Variants in CPNE4 observed in about 807,000 individuals in gnomAD.
CPNE4 encodes the protein copine 4.
In CPNE4, 25 loss-of-function variants were observed where a neutral mutation model predicts 67.9. The observed-to-expected ratio is 0.37, with a 90% CI of 0.27 to 0.51. The LOEUF is 0.51. Ranked by LOEUF, CPNE4 falls within the 20% of genes least tolerant of loss-of-function variation. The pLI is 0.93. For synonymous variants in CPNE4, 242 were observed against 244.9 expected, an observed-to-expected ratio of 0.99 and a Z score of 0.11; for missense variants, 464 against 690.8, an observed-to-expected ratio of 0.67 and a Z score of 3.68.
intron 2 of CPNE4, among the ~76,000 whole-genome samples, chr3:131,835,426 G>A (rs2085516192): frequency 6.6e-6 from 1 of 152,128 alleles, no homozygotes; most frequent in African/African-American, 2.4e-5. Flanking sequence ...CTACTCTGGA[G>A]GCTGAGGCAG....
chr3:131,991,813 C>T (rs2073180837), intron 1 of CPNE4, among the ~76,000 whole-genome samples: 1 of 135,368 alleles, frequency 7.4e-6, no homozygotes, highest in African/African-American at 2.5e-5. Flanking sequence ...TCTGTGCAGC[C>T]TTAGGATATG....
chr3:131,743,233 T>G (rs1397191029), intron 2 of CPNE4, among the ~76,000 whole-genome samples: 6 of 152,170 alleles, frequency 3.9e-5, no homozygotes. Flanking sequence ...TAACAGGCAG[T>G]GGGAAACTTA....
At chr3:132,023,959 T>A (rs1045415092) in intron 1 of CPNE4, among the ~76,000 whole-genome samples, 4 of 152,224 alleles carry the variant, frequency 2.6e-5, no homozygotes, top group African/African-American at 9.6e-5. Flanking sequence ...AAGATGTTAC[T>A]ATTTGCAGCA....
At chr3:131,837,298 A>G (rs1355862390) in intron 2 of CPNE4, among the ~76,000 whole-genome samples, 1 of 152,192 alleles carries the variant, frequency 6.6e-6, no homozygotes. Flanking sequence ...GAAACAGTAC[A>G]AATGTCCTGT....
At chr3:131,565,953 C>T (rs1937035185) in intron 10 of CPNE4, among the ~76,000 whole-genome samples, 1 of 151,800 alleles carries the variant, frequency 6.6e-6, no homozygotes, top group South Asian at 2.1e-4. Flanking sequence ...CTGTGTGTGA[C>T]ACAGAGGGCA....
At chr3:131,854,717 T>A (rs1230853224) in intron 2 of CPNE4, among the ~76,000 whole-genome samples, 1 of 151,810 alleles carries the variant, frequency 6.6e-6, no homozygotes. Context: ...TGTCTGTGAT[T>A]CTTTTATTTT....
chr3:131,596,690 C>A (rs1261022122), intron 7 of CPNE4, among the ~76,000 whole-genome samples: 4 of 147,742 alleles, frequency 2.7e-5, no homozygotes, highest in Non-Finnish European at 4.5e-5. Context: ...TCTGGATGGG[C>A]CTGATACAAT....
At chr3:131,916,467 G>C (rs1248736658) in intron 1 of CPNE4, among the ~76,000 whole-genome samples, 1 of 152,050 alleles carries the variant, frequency 6.6e-6, no homozygotes, top group African/African-American at 2.4e-5. Flanking sequence ...ATCTACTTAT[G>C]GGTCTTGTTC....
intron 2 of CPNE4, among the ~76,000 whole-genome samples, chr3:131,802,070 T>G (rs1019594763): frequency 2.0e-5 from 3 of 152,050 alleles, no homozygotes; most frequent in Non-Finnish European, 4.4e-5. Context: ...AGAGAAAGGT[T>G]AATGCAGAAC....
At chr3:131,698,220 C>T (rs374294088) in intron 4 of CPNE4, among the ~76,000 whole-genome samples, 2 of 74,194 alleles carry the variant, frequency 2.7e-5, no homozygotes, top group African/African-American at 1.2e-4. Context: ...GGGAGAGGGG[C>T]AAGGCTCTGT....
chr3:131,924,719 T>C lies in CPNE4; in HGVS notation c.-1-19275A>G, dbSNP rs139457543. ...TTTTCAGTCCCTAGAAAGGATGTAA[T>C]AGAAACAATGGTGACATAAACTATA... On this transcript the variant is annotated intron_variant, in intron 1 of 15. Transcript: ENST00000429747. 2.9e-3 allele frequency among the ~76,000 whole-genome samples: 438 copies of C among 152,240 alleles called. 5 individuals carry two copies. The highest frequency in any genetic ancestry group is 0.013 in the East Asian group (65 of 5,174).
chr3:132,024,410 T>C (rs2369364), intron 1 of CPNE4, among the ~76,000 whole-genome samples: 84,551 of 151,854 alleles, frequency 0.56, 24,081 homozygotes, highest in South Asian at 0.64. Flanking sequence ...TTATTAAGAG[T>C]GTAAAGCACC....
chr3:131,885,550 TA>T (rs1292527589), intron 2 of CPNE4, among the ~76,000 whole-genome samples: 3 of 151,996 alleles, frequency 2.0e-5, no homozygotes, highest in African/African-American at 7.2e-5. Context: ...TTTATTTTTT[TA>T]TTATTATACT....
chr3:131,825,800 G>C (rs991069885), intron 2 of CPNE4, among the ~76,000 whole-genome samples: 6 of 152,162 alleles, frequency 3.9e-5, no homozygotes, highest in Non-Finnish European at 8.8e-5. Context: ...CCACCTCAGA[G>C]CTTTAATAAG....
chr3:131,766,159 A>G (rs983463690), intron 2 of CPNE4, among the ~76,000 whole-genome samples: 4 of 152,292 alleles, frequency 2.6e-5, no homozygotes, highest in Admixed American at 1.3e-4. Context: ...CCTGCCACTC[A>G]TTAGCTGTGT....
intron 2 of CPNE4, among the ~76,000 whole-genome samples, chr3:131,840,334 A>G (rs2085726023): frequency 6.6e-6 from 1 of 152,340 alleles, no homozygotes; most frequent in Middle Eastern, 3.4e-3. Context: ...TTGGAATCCA[A>G]AAGAACAAAT....
At chr3:131,857,875 G>A in intron 2 of CPNE4, among the ~76,000 whole-genome samples, 1 of 151,786 alleles carries the variant, frequency 6.6e-6, no homozygotes, top group South Asian at 2.1e-4. Context: ...TTTCCAGCAG[G>A]TGTTAGGTGC....
At chr3:131,901,866 T>C (rs1004049566) in intron 2 of CPNE4, among the ~76,000 whole-genome samples, 1 of 138,420 alleles carries the variant, frequency 7.2e-6, no homozygotes, top group African/African-American at 2.5e-5. Flanking sequence ...AAATACTCCC[T>C]GACTTGCAAA....
intron 15 of CPNE4, among the ~76,000 whole-genome samples, chr3:131,540,564 G>T (rs1464836374): frequency 6.6e-6 from 1 of 152,198 alleles, no homozygotes; most frequent in Non-Finnish European, 1.5e-5. Flanking sequence ...TTGTTTTGAT[G>T]ATCCATTTAG....
Sources: allele counts gnomAD v4.1 joint callset (sites outside exome capture counted in the v4.1 genomes callset), GRCh38; gene constraint gnomAD v4.1.1; transcripts MANE v1.5; gene names NCBI Gene and HGNC (gene_info 2026-07-23, HGNC 2026-07-21).